The following TMTC2 variants were observed in gnomAD, a reference collection of about 807,000 sequenced individuals.
TMTC2 encodes transmembrane O-mannosyltransferase targeting cadherins 2.
A neutral mutation model predicts 82.4 loss-of-function variants in TMTC2; 43 were observed. The observed-to-expected ratio is 0.52, with a 90% CI of 0.41 to 0.67. The LOEUF is 0.67. TMTC2 is among the 30% of genes least tolerant of loss of function. The pLI, the probability that TMTC2 is intolerant of heterozygous loss-of-function variation, is 0.00. For synonymous variants in TMTC2, 408 were observed against 381.9 expected, an observed-to-expected ratio of 1.07 and a Z score of -0.80; for missense variants, 919 against 1,012.4, an observed-to-expected ratio of 0.91 and a Z score of 1.25.
intron 2 of TMTC2, among the ~76,000 whole-genome samples, chr12:82,880,717 A>G (rs1470497550): frequency 4.6e-5 from 7 of 152,138 alleles, no homozygotes; most frequent in Non-Finnish European, 8.8e-5. Flanking sequence ...CTAAACTACA[A>G]CTGTTAAAGC....
intron 9 of TMTC2, among the ~76,000 whole-genome samples, chr12:83,033,722 G>T (rs1175749874): frequency 2.0e-5 from 3 of 151,794 alleles, no homozygotes; most frequent in Non-Finnish European, 4.4e-5. Context: ...CTGCACTCCA[G>T]CCTGGGTGAG....
chr12:82,766,229 C>T (rs1187034674), intron 1 of TMTC2, among the ~76,000 whole-genome samples: 1 of 152,190 alleles, frequency 6.6e-6, no homozygotes, highest in Non-Finnish European at 1.5e-5. Context: ...CTCTCCTTCT[C>T]GCTTTGGGCT....
At chr12:82,784,313 G>C (rs909073944) in intron 1 of TMTC2, among the ~76,000 whole-genome samples, 3 of 152,036 alleles carry the variant, frequency 2.0e-5, no homozygotes, top group Non-Finnish European at 4.4e-5. Context: ...GAAAGGCATT[G>C]GCTAGGGGAC....
chr12:82,980,462 A>G (rs1051903151), intron 7 of TMTC2, among the ~76,000 whole-genome samples: 1 of 151,778 alleles, frequency 6.6e-6, no homozygotes, highest in African/African-American at 2.4e-5. Flanking sequence ...AATTAGGTAG[A>G]TTAAGATAAA....
intron 1 of TMTC2, among the ~76,000 whole-genome samples, chr12:82,765,176 C>G (rs573486989): frequency 6.6e-6 from 1 of 152,146 alleles, no homozygotes; most frequent in Non-Finnish European, 1.5e-5. Context: ...ACCCAGTTCT[C>G]GAGCTTGACA....
intron 7 of TMTC2, among the ~76,000 whole-genome samples, chr12:82,969,609 C>T (rs936458225): frequency 6.6e-6 from 1 of 152,152 alleles, no homozygotes; most frequent in African/African-American, 2.4e-5. Flanking sequence ...TGCCACATGC[C>T]AATCGACTTA....
At chr12:82,802,098 C>T (rs1333424017) in intron 1 of TMTC2, among the ~76,000 whole-genome samples, 1 of 152,022 alleles carries the variant, frequency 6.6e-6, no homozygotes, top group Non-Finnish European at 1.5e-5. Context: ...GGGTGGCGTT[C>T]GTGGGGGAGG....
At position 83,106,271 on chromosome 12, in the gene TMTC2, G is replaced by A. The variant is rs375071235; in HGVS notation, c.2332-25939G>A. On this transcript the variant is annotated intron_variant, in intron 11 of 11. Coordinates refer to ENST00000321196, the MANE Select transcript of TMTC2 (RefSeq NM_152588.3). ...GATACACAGCTTGGGAGGCCAAGGC[G>A]GGCAGATCACCTGAGGTCAGGCGTT... Among the ~76,000 whole-genome samples, 12 of 152,148 alleles carry A rather than the reference G, an allele frequency of 7.9e-5. 1 individual carries two copies. In the South Asian group the frequency reaches 8.3e-4, roughly 11 times the overall value.
At chr12:82,811,304 G>A (rs11830781) in intron 1 of TMTC2, among the ~76,000 whole-genome samples, 20,504 of 151,920 alleles carry the variant, frequency 0.13, 1,655 homozygotes, top group African/African-American at 0.21. Context: ...GTATGAAAAC[G>A]TACTAATACA....
intron 1 of TMTC2, 141 bp downstream of exon 1, chr12:82,687,810 A>T (rs945749376): frequency 1.3e-6 from 1 of 792,926 alleles, no homozygotes; most frequent in Non-Finnish European, 2.0e-6. Flanking sequence ...GTAAACATTA[A>T]CACCTAAATC....
At chr12:82,778,109 G>A (rs1247309764) in intron 1 of TMTC2, among the ~76,000 whole-genome samples, 1 of 151,872 alleles carries the variant, frequency 6.6e-6, no homozygotes, top group East Asian at 1.9e-4. Flanking sequence ...TATTACTCTA[G>A]TCTTTTATTT....
chr12:82,918,200 C>T (rs1285037228), intron 3 of TMTC2, among the ~76,000 whole-genome samples: 2 of 152,166 alleles, frequency 1.3e-5, no homozygotes, highest in African/African-American at 2.4e-5. Context: ...TGAGCCACTG[C>T]GCCTGGCCAA....
At chr12:83,115,386 G>C (rs1884719949) in intron 11 of TMTC2, among the ~76,000 whole-genome samples, 1 of 152,172 alleles carries the variant, frequency 6.6e-6, no homozygotes, top group Non-Finnish European at 1.5e-5. Context: ...CCAGCTCTTG[G>C]TGTTTTAGAG....
chr12:82,734,657 T>C (rs192686791), intron 1 of TMTC2, among the ~76,000 whole-genome samples: 1 of 152,288 alleles, frequency 6.6e-6, no homozygotes, highest in Non-Finnish European at 1.5e-5. Flanking sequence ...ACAGTTGCTA[T>C]TGGAAACAGA....
intron 11 of TMTC2, among the ~76,000 whole-genome samples, chr12:83,109,158 TAA>T (rs1182109034): frequency 2.0e-5 from 3 of 152,188 alleles, no homozygotes; most frequent in Non-Finnish European, 4.4e-5. Flanking sequence ...AAAAGAGGTT[TAA>T]TTGGCTCACA....
intron 8 of TMTC2, among the ~76,000 whole-genome samples, chr12:83,001,070 C>A (rs1256066368): frequency 6.6e-6 from 1 of 152,116 alleles, no homozygotes; most frequent in African/African-American, 2.4e-5. Flanking sequence ...CCTTCTAAAT[C>A]TCCGGGCCTG....
chr12:83,106,201 A>G (rs1176452324), intron 11 of TMTC2, among the ~76,000 whole-genome samples: 2 of 152,164 alleles, frequency 1.3e-5, no homozygotes, highest in Admixed American at 6.5e-5. Flanking sequence ...ACAGCCACAA[A>G]GTATAAAATA....
chr12:82,971,745 G>A (rs1015020912), intron 7 of TMTC2, among the ~76,000 whole-genome samples: 1 of 151,166 alleles, frequency 6.6e-6, no homozygotes, highest in African/African-American at 2.4e-5. Context: ...CGGAGTAAGA[G>A]AGAGCCTAGG....
At chr12:83,091,463 T>C (rs1883845057) in intron 11 of TMTC2, among the ~76,000 whole-genome samples, 1 of 152,184 alleles carries the variant, frequency 6.6e-6, no homozygotes, top group African/African-American at 2.4e-5. Flanking sequence ...AAAATCTTAA[T>C]AGTTGCTATA....
Sources: allele counts gnomAD v4.1 joint callset (sites outside exome capture counted in the v4.1 genomes callset), GRCh38; gene constraint gnomAD v4.1.1; transcripts MANE v1.5; gene names NCBI Gene and HGNC (gene_info 2026-07-23, HGNC 2026-07-21).